NECTIN3: variants seen among roughly 807,000 people sequenced by gnomAD.
NECTIN3 encodes the protein nectin-3.
Under a neutral mutation model 49.4 loss-of-function variants are expected in NECTIN3, and 8 were observed. That is an observed-to-expected ratio of 0.16 (90% CI 0.10 to 0.29). The LOEUF (loss-of-function observed/expected upper bound fraction) is 0.29. Ranked by LOEUF, NECTIN3 falls within the 10% of genes least tolerant of loss-of-function variation. The probability of loss-of-function intolerance (pLI) is 1.00; values close to 1 mark genes in which losing one functional copy is unlikely to be tolerated. For missense variants in NECTIN3, 581 were observed against 654.6 expected (o/e 0.89, Z 1.23); for synonymous variants, 277 against 241.1 (o/e 1.15, Z -1.38).
chr3:111,112,626 G>T (rs1325802804), intron 2 of NECTIN3, among the ~76,000 whole-genome samples: 2 of 151,978 alleles, frequency 1.3e-5, no homozygotes, highest in South Asian at 4.1e-4. Context: ...ATAGTGATGA[G>T]TTTTAATTAT....
rs1296761392 is a variant in NECTIN3 at position 111,136,332 on chromosome 3, G to A, written c.*2117G>A. The A allele has an allele frequency of 1.0e-6, 1 of 984,324 alleles. No homozygotes were observed. Among genetic ancestry groups the A allele is most frequent in the Non-Finnish European group, 1.2e-6 (1 of 829,168 alleles). The allele number at this position is 984,324 out of a possible 1,614,324, so 61.0% of individuals were successfully genotyped here. ...GATTATGAACTTCCTTTTACATTGT[G>A]GTTATTTGTGCGATTAGGTTTTTTT... On this transcript the variant is annotated 3_prime_UTR_variant, in exon 6 of 6. Coordinates refer to ENST00000485303, the MANE Select transcript of NECTIN3 (RefSeq NM_015480.3).
intron 1 of NECTIN3, among the ~76,000 whole-genome samples, chr3:111,090,263 C>T (rs1395560694): frequency 6.6e-6 from 1 of 152,112 alleles, no homozygotes; most frequent in African/African-American, 2.4e-5. Context: ...TACCATCTTA[C>T]ATTTTGCTTT....
intron 3 of NECTIN3, among the ~76,000 whole-genome samples, chr3:111,121,900 A>T (rs2033971637): frequency 6.6e-6 from 1 of 152,182 alleles, no homozygotes; most frequent in Admixed American, 6.5e-5. Context: ...AACTGTATGT[A>T]GTAGAATTGC....
intron 7 of NECTIN3, among the ~76,000 whole-genome samples, chr3:111,183,023 A>G (rs909877160): frequency 1.3e-5 from 2 of 152,042 alleles, no homozygotes; most frequent in African/African-American, 2.4e-5. Flanking sequence ...ACTTATCACT[A>G]TCTACCTTAA....
At chr3:111,080,732 T>C (rs369908232) in intron 1 of NECTIN3, among the ~76,000 whole-genome samples, 7 of 151,614 alleles carry the variant, frequency 4.6e-5, no homozygotes, top group African/African-American at 1.7e-4. Flanking sequence ...TTGGGGACTA[T>C]TGAGCAACAA....
intron 7 of NECTIN3, among the ~76,000 whole-genome samples, chr3:111,166,343 A>G (rs1264979507): frequency 6.6e-6 from 1 of 150,770 alleles, no homozygotes; most frequent in Admixed American, 6.6e-5. Context: ...ATACCAGTGA[A>G]CAATGTTATG....
At chr3:111,149,460 T>G (rs2034952572) in intron 7 of NECTIN3, among the ~76,000 whole-genome samples, 1 of 26,810 alleles carries the variant, frequency 3.7e-5, no homozygotes, top group African/African-American at 8.1e-4. Context: ...TCTGGTAGGA[T>G]GTGTGTGTGT....
chr3:111,155,451 G>A (rs1287843579), intron 7 of NECTIN3, among the ~76,000 whole-genome samples: 1 of 152,088 alleles, frequency 6.6e-6, no homozygotes, highest in African/African-American at 2.4e-5. Context: ...AAATTGCCTC[G>A]CAATTTCAGA....
chr3:111,136,123 A>G lies in NECTIN3; in HGVS notation c.*1908A>G. ...GATGGGTCTAAAATTTCTCCCCATGAAAGATGTAAAACTATGGCTTTTTTT... is the reference window on the plus strand; with the variant it reads ...GATGGGTCTAAAATTTCTCCCCATGGAAGATGTAAAACTATGGCTTTTTTT... On this transcript the variant is annotated 3_prime_UTR_variant, in exon 6 of 6. Coordinates refer to ENST00000485303, the MANE Select transcript of NECTIN3 (RefSeq NM_015480.3). 2.0e-6 allele frequency: 2 copies of G among 983,984 alleles called. No homozygotes were observed. The highest frequency in any genetic ancestry group is 2.4e-6 in the Non-Finnish European group (2 of 828,772). 61.0% of individuals were successfully genotyped at this position (983,984 alleles called of 1,614,324 possible). A position where few individuals can be genotyped will look rare whatever the true frequency, so the allele number is the denominator to read the frequency against.
chr3:111,174,838 C>T (rs184161907), intron 7 of NECTIN3, among the ~76,000 whole-genome samples: 6 of 152,264 alleles, frequency 3.9e-5, no homozygotes, highest in Non-Finnish European at 8.8e-5. Flanking sequence ...GAGTGTTAAC[C>T]AGCTCAGTGG....
chr3:111,089,956 G>T (rs2032163119), intron 1 of NECTIN3, among the ~76,000 whole-genome samples: 1 of 151,988 alleles, frequency 6.6e-6, no homozygotes, highest in African/African-American at 2.4e-5. Context: ...AATTTCGAAT[G>T]GTATTTTCCT....
At chr3:111,145,140 A>G in intron 6 of NECTIN3, 2 of 1,299,452 alleles carry the variant, frequency 1.5e-6, no homozygotes, top group Non-Finnish European at 2.1e-6. Context: ...GGATAGAAGT[A>G]AGGATAATGT....
At position 111,136,612 on chromosome 3, in the gene NECTIN3, G is replaced by C; in HGVS notation, c.*2397G>C. ...ATTAAATAAAGACATTGTTAAATTA[G>C]TTTTTGAATACCAGTGATATTCATA... On this transcript the variant is annotated 3_prime_UTR_variant, in exon 6 of 6. Coordinates refer to ENST00000485303, the MANE Select transcript of NECTIN3 (RefSeq NM_015480.3). 1.1e-6 allele frequency: 1 copy of C among 920,654 alleles called. No homozygotes were observed. The allele number at this position is 920,654 out of a possible 1,614,324, so 57.0% of individuals were successfully genotyped here.
chr3:111,099,525 T>C (rs929653055), intron 1 of NECTIN3, among the ~76,000 whole-genome samples: 2 of 152,252 alleles, frequency 1.3e-5, no homozygotes, highest in Non-Finnish European at 2.9e-5. Context: ...TAGAACATAG[T>C]ATTAATACTT....
At position 111,078,781 on chromosome 3, in the gene NECTIN3, A is replaced by T. The variant is rs192852829; in HGVS notation, c.160+6604A>T. 7.9e-5 allele frequency among the ~76,000 whole-genome samples: 12 copies of T among 152,188 alleles called. No individual in the cohort carries two copies. The East Asian group carries it at 1.2e-3, about 15-fold the overall frequency. On this transcript the variant is annotated intron_variant, in intron 1 of 5. Coordinates refer to ENST00000485303, the MANE Select transcript of NECTIN3 (RefSeq NM_015480.3). ...CTTCAGTTCTATTTCCCATTGCCTCACCCATTTTGAATTTGAGATGTTTGC... is the reference window on the plus strand; with the variant it reads ...CTTCAGTTCTATTTCCCATTGCCTCTCCCATTTTGAATTTGAGATGTTTGC...
chr3:111,082,193 TTAATC>T (rs1368749220), intron 1 of NECTIN3, among the ~76,000 whole-genome samples: 27 of 152,148 alleles, frequency 1.8e-4, no homozygotes, highest in African/African-American at 6.3e-4. Context: ...AGAGGATTGA[TTAATC>T]AATCCAGTAA....
intron 7 of NECTIN3, among the ~76,000 whole-genome samples, chr3:111,176,181 G>A (rs1252703158): frequency 6.6e-6 from 1 of 152,150 alleles, no homozygotes; most frequent in African/African-American, 2.4e-5. Context: ...TTGCCTCATG[G>A]AGTAGCATCT....
chr3:111,086,157 T>C (rs2031910518), intron 1 of NECTIN3, among the ~76,000 whole-genome samples: 1 of 152,204 alleles, frequency 6.6e-6, no homozygotes, highest in African/African-American at 2.4e-5. Flanking sequence ...CATCTTTTTA[T>C]GGGTTCCTAG....
At chr3:111,188,814 G>A (rs1486604493), upstream of NECTIN3, among the ~76,000 whole-genome samples, 1 of 152,184 alleles carries the variant, frequency 6.6e-6, no homozygotes, top group Non-Finnish European at 1.5e-5. Flanking sequence ...GTTCAGCAAA[G>A]TGTGAATGAT....
Sources: allele counts gnomAD v4.1 joint callset (sites outside exome capture counted in the v4.1 genomes callset), GRCh38; gene constraint gnomAD v4.1.1; transcripts MANE v1.5; gene names NCBI Gene and HGNC (gene_info 2026-07-23, HGNC 2026-07-21).